The following STK32C variants were observed in gnomAD, a reference collection of about 807,000 sequenced individuals.
STK32C encodes the protein serine/threonine kinase 32C, also known as serine/threonine-protein kinase 32C.
Under a neutral mutation model 56.5 loss-of-function variants are expected in STK32C, and 31 were observed. The observed-to-expected ratio is 0.55, with a 90% CI of 0.41 to 0.74. The LOEUF (loss-of-function observed/expected upper bound fraction) is 0.74. Among genes scored for constraint, STK32C ranks in the 30% least tolerant of loss-of-function variants. The pLI, the probability that STK32C is intolerant of heterozygous loss-of-function variation, is 0.00. For missense variants in STK32C, 544 were observed against 676.9 expected (o/e 0.80, Z 2.18); for synonymous variants, 309 against 289.4 (o/e 1.07, Z -0.69).
intron 1 of STK32C, among the ~76,000 whole-genome samples, chr10:132,254,710 A>G (rs1361029569): frequency 1.0e-5 from 1 of 99,362 alleles, no homozygotes; most frequent in East Asian, 3.3e-4. Context: ...GGCTGCCCCC[A>G]GACCTGGGAG....
At chr10:132,208,679 CCT>C (rs1565055661) in intron 11 of STK32C, among the ~76,000 whole-genome samples, 2 of 152,186 alleles carry the variant, frequency 1.3e-5, no homozygotes, top group African/African-American at 4.8e-5. Flanking sequence ...CTTTCTGTCC[CCT>C]GGGGCCTGAC....
intron 1 of STK32C, among the ~76,000 whole-genome samples, chr10:132,264,488 G>A (rs2064426341): frequency 6.6e-6 from 1 of 152,166 alleles, no homozygotes; most frequent in Non-Finnish European, 1.5e-5. Context: ...GCTTTGTGCT[G>A]CACCCCAGCA....
chr10:132,248,204 A>T (rs1464018992), intron 1 of STK32C, among the ~76,000 whole-genome samples: 1 of 152,250 alleles, frequency 6.6e-6, no homozygotes, highest in Non-Finnish European at 1.5e-5. Context: ...ACCCAACGTC[A>T]CCAGATGTTA....
At chr10:132,299,520 A>G (rs2492646) in intron 1 of STK32C, among the ~76,000 whole-genome samples, 90,369 of 152,146 alleles carry the variant, frequency 0.59, 28,248 homozygotes, top group African/African-American at 0.8. Flanking sequence ...CTGAGACCTC[A>G]GGACAAGACC....
intron 8 of STK32C, among the ~76,000 whole-genome samples, chr10:132,223,632 G>A (rs74333270): frequency 0.17 from 25,124 of 152,244 alleles, 2,278 homozygotes; most frequent in South Asian, 0.27. Context: ...AGAGACTCTC[G>A]GGGCTGGGGA....
chr10:132,287,340 A>C (rs2138278632), intron 1 of STK32C, among the ~76,000 whole-genome samples: 1 of 151,836 alleles, frequency 6.6e-6, no homozygotes, highest in Admixed American at 6.5e-5. Flanking sequence ...AAAATACAAA[A>C]ATTAGCTGAG....
intron 1 of STK32C, among the ~76,000 whole-genome samples, chr10:132,293,478 CAG>C (rs1319851958): frequency 3.9e-5 from 6 of 152,256 alleles, no homozygotes; most frequent in African/African-American, 1.4e-4. Flanking sequence ...CATGGGGACA[CAG>C]GGCAGGCGGC....
chr10:132,320,337 T>A (rs966581276), downstream of STK32C, among the ~76,000 whole-genome samples: 1 of 151,918 alleles, frequency 6.6e-6, no homozygotes, highest in Non-Finnish European at 1.5e-5. Context: ...GGGAAGAGTC[T>A]AGCGTGACCT....
intron 1 of STK32C, among the ~76,000 whole-genome samples, chr10:132,327,097 A>C (rs1292710445): frequency 1.3e-5 from 2 of 152,184 alleles, no homozygotes; most frequent in East Asian, 1.9e-4. Flanking sequence ...GTCTCCACTC[A>C]AATCTCATCT....
chr10:132,227,566 A>T (rs1019719821), intron 3 of STK32C, among the ~76,000 whole-genome samples: 2 of 151,590 alleles, frequency 1.3e-5, no homozygotes, highest in Admixed American at 6.6e-5. Context: ...GATGACGGTG[A>T]TGAGAGTGAT....
chr10:132,331,074 G>A (rs112225347), intron 1 of STK32C, among the ~76,000 whole-genome samples: 1 of 151,070 alleles, frequency 6.6e-6, no homozygotes, highest in Admixed American at 6.6e-5. Flanking sequence ...GGTGGCGCGC[G>A]CCTGTAGTCC....
intron 1 of STK32C, among the ~76,000 whole-genome samples, chr10:132,297,543 T>C (rs1320931547): frequency 2.0e-5 from 3 of 152,260 alleles, no homozygotes; most frequent in African/African-American, 7.2e-5. Context: ...GTATCTTTCT[T>C]CCTATTTCAT....
chr10:132,319,692 TGGGAATGCAG>T (rs2138455425), downstream of STK32C, among the ~76,000 whole-genome samples: 1 of 152,256 alleles, frequency 6.6e-6, no homozygotes, highest in South Asian at 2.1e-4. Context: ...CAGACAGCTG[TGGGAATGCAG>T]GGGCTGAGGG....
intron 2 of STK32C, among the ~76,000 whole-genome samples, chr10:132,229,766 G>A (rs541169749): frequency 4.6e-5 from 7 of 152,322 alleles, no homozygotes; most frequent in African/African-American, 1.7e-4. Context: ...TCCCGCAAGG[G>A]GCCACTGGGA....
At chr10:132,221,914 C>T (rs1359156895) in intron 10 of STK32C, among the ~76,000 whole-genome samples, 8 of 147,862 alleles carry the variant, frequency 5.4e-5, no homozygotes, top group Non-Finnish European at 1.0e-4. Context: ...AGTGTGAGGG[C>T]TTCACGTGGC....
In STK32C at chr10:132,287,615, C is replaced by T. The variant is rs564197082; in HGVS notation, c.262+19957G>A. ...GACAGACGTGCACCACCATGTCCGG[C>T]TAATTTTTGTGATTTTTAGTAGAGA... On this transcript the variant is annotated intron_variant, in intron 1 of 11. Transcript: ENST00000298630. Among the ~76,000 whole-genome samples the T allele has an allele frequency of 3.3e-5, 5 of 151,878 alleles. No individual in the cohort carries two copies. In the East Asian group the frequency reaches 9.9e-4, roughly 30 times the overall value.
chr10:132,313,180 C>T (rs200732070), intron 1 of STK32C, among the ~76,000 whole-genome samples: 1 of 152,278 alleles, frequency 6.6e-6, no homozygotes, highest in East Asian at 1.9e-4. Context: ...AAGCTGGAGA[C>T]CATAAGACAA....
Position 132,255,584 on chromosome 10 carries a change from G to A in STK32C, c.263-9629C>T, listed in dbSNP as rs192686901. On this transcript the variant is annotated intron_variant, in intron 1 of 11. Coordinates refer to ENST00000298630, the MANE Select transcript of STK32C (RefSeq NM_173575.4). The surrounding 1 kb of genome is among the most constrained non-coding windows in gnomAD (Gnocchi z 4.6). ...ACAGCGGAGAACATAGAGCAGAAGC[G>A]TCCAGCCACAGCAGCACCCAGGAGA... Among the ~76,000 whole-genome samples the A allele has an allele frequency of 1.5e-4, 23 of 152,302 alleles. No individual in the cohort carries two copies. Among genetic ancestry groups the A allele is most frequent in the African/African-American group, 4.6e-4 (19 of 41,566 alleles).
At chr10:132,325,438 A>G (rs1414482356) in intron 1 of STK32C, among the ~76,000 whole-genome samples, 1 of 151,774 alleles carries the variant, frequency 6.6e-6, no homozygotes, top group Non-Finnish European at 1.5e-5. Flanking sequence ...CTGTAGTCCC[A>G]GCTACTCGGG....
Sources: allele counts gnomAD v4.1 joint callset (sites outside exome capture counted in the v4.1 genomes callset), GRCh38; gene constraint gnomAD v4.1.1; non-coding constraint Gnocchi (gnomAD v3.1); transcripts MANE v1.5; gene names NCBI Gene and HGNC (gene_info 2026-07-23, HGNC 2026-07-21).